Variants in MBOAT2 observed in about 807,000 individuals in gnomAD.
The protein encoded by MBOAT2 is membrane bound glycerophospholipid O-acyltransferase 2, also known as membrane-bound glycerophospholipid O-acyltransferase 2.
MBOAT2 carries 28 observed loss-of-function variants against 63.4 expected under a neutral mutation model. The observed-to-expected ratio is 0.44, with a 90% CI of 0.33 to 0.61. The LOEUF (loss-of-function observed/expected upper bound fraction) is 0.61. Ranked by LOEUF, MBOAT2 falls within the 20% of genes least tolerant of loss-of-function variation. The probability of loss-of-function intolerance (pLI) is 0.03; values close to 1 mark genes in which losing one functional copy is unlikely to be tolerated. For synonymous variants in MBOAT2, 211 were observed against 215.6 expected, an observed-to-expected ratio of 0.98 and a Z score of 0.19; for missense variants, 470 against 605.8, an observed-to-expected ratio of 0.78 and a Z score of 2.35.
intron 9 of MBOAT2, among the ~76,000 whole-genome samples, chr2:8,867,660 G>A (rs1188702437): frequency 1.3e-5 from 2 of 152,128 alleles, no homozygotes; most frequent in Non-Finnish European, 2.9e-5. Flanking sequence ...ATTCTCTCTT[G>A]CTGATCCCAA....
chr2:8,989,263 A>T (rs989747711), intron 1 of MBOAT2, among the ~76,000 whole-genome samples: 7 of 152,172 alleles, frequency 4.6e-5, no homozygotes, highest in Non-Finnish European at 5.9e-5. Context: ...GTCACACCTG[A>T]CACCCATCAG....
Position 8,944,869 on chromosome 2 carries a change from G to A in MBOAT2, c.222-1605C>T, listed in dbSNP as rs138960967. 2.2e-3 allele frequency among the ~76,000 whole-genome samples: 339 copies of A among 152,194 alleles called. 1 individual carries two copies. Among genetic ancestry groups the A allele is most frequent in the Non-Finnish European group, 3.9e-3 (266 of 68,000 alleles). On this transcript the variant is annotated intron_variant, in intron 2 of 12. Coordinates refer to ENST00000305997, the MANE Select transcript of MBOAT2 (RefSeq NM_138799.4). ...AATTCACTGGCTGACTCCTGACTTCGTGCGAAAGGTGACAAGGTCTGCTAG... is the reference window on the plus strand; with the variant it reads ...AATTCACTGGCTGACTCCTGACTTCATGCGAAAGGTGACAAGGTCTGCTAG...
At chr2:9,002,089 CGG>C (rs1672729587) in intron 1 of MBOAT2, among the ~76,000 whole-genome samples, 1 of 150,016 alleles carries the variant, frequency 6.7e-6, no homozygotes, top group African/African-American at 2.5e-5. Flanking sequence ...GAATCCTCCG[CGG>C]GGCCGGGAGG....
intron 4 of MBOAT2, among the ~76,000 whole-genome samples, chr2:8,902,726 C>G (rs1178858575): frequency 6.6e-6 from 1 of 152,206 alleles, no homozygotes; most frequent in African/African-American, 2.4e-5. Context: ...TGACTGACTT[C>G]AGGAGTAAAG....
chr2:8,954,404 G>A (rs749292785), intron 2 of MBOAT2, among the ~76,000 whole-genome samples: 1 of 152,036 alleles, frequency 6.6e-6, no homozygotes, highest in Non-Finnish European at 1.5e-5. Context: ...TGGGGGGCAG[G>A]GGCCACAAAG....
At chr2:8,871,126 C>G (rs900177006) in intron 8 of MBOAT2, among the ~76,000 whole-genome samples, 4 of 151,932 alleles carry the variant, frequency 2.6e-5, no homozygotes, top group Admixed American at 2.6e-4. Flanking sequence ...TCCTGAGTAG[C>G]TGGGACCACA....
At position 8,977,224 on chromosome 2, in the gene MBOAT2, T is replaced by A. The variant is rs970865039; in HGVS notation, c.76-18582A>T. Among the ~76,000 whole-genome samples, 18 of 152,280 alleles carry A rather than the reference T, an allele frequency of 1.2e-4. No homozygotes were observed. The South Asian group carries it at 1.2e-3, about 11-fold the overall frequency. ...ATACCTCAATAAAGCTGTTTAAATT[T>A]TTTTTTAATAAAAATAAGTTCACAT... is the stretch of plus-strand genomic sequence containing the variant. On this transcript the variant is annotated intron_variant, in intron 1 of 12. Coordinates refer to ENST00000305997, the MANE Select transcript of MBOAT2 (RefSeq NM_138799.4).
intron 1 of MBOAT2, among the ~76,000 whole-genome samples, chr2:8,988,268 T>G (rs534439621): frequency 4.9e-4 from 75 of 152,188 alleles, no homozygotes; most frequent in Non-Finnish European, 9.0e-4. Context: ...GACCATCTGA[T>G]AGCCTAAACT....
At chr2:8,915,789 C>T (rs1224799523) in intron 3 of MBOAT2, among the ~76,000 whole-genome samples, 1 of 152,088 alleles carries the variant, frequency 6.6e-6, no homozygotes, top group Non-Finnish European at 1.5e-5. Context: ...AAATCCAGAC[C>T]GACCTGGACT....
chr2:8,972,768 A>G (rs1353199528), intron 1 of MBOAT2, among the ~76,000 whole-genome samples: 1 of 152,234 alleles, frequency 6.6e-6, no homozygotes, highest in Non-Finnish European at 1.5e-5. Context: ...ACATGAAAAA[A>G]TGCTCATCAT....
rs199498021 is a variant in MBOAT2 at position 8,884,904 on chromosome 2, A to G, written c.452-2339T>C. On this transcript the variant is annotated intron_variant, in intron 5 of 12. Transcript: ENST00000305997. Reference sequence around the variant, plus strand: ...AAAAACCAATTAAAGACAAGATATCATTTTTTAAAGCTAGAAGTCTAACCA... The same window carrying G: ...AAAAACCAATTAAAGACAAGATATCGTTTTTTAAAGCTAGAAGTCTAACCA... Among the ~76,000 whole-genome samples, 7 of 152,190 alleles carry G rather than the reference A, an allele frequency of 4.6e-5. No homozygotes were observed. The East Asian group carries it at 1.3e-3, about 29-fold the overall frequency.
chr2:8,884,696 C>A (rs1258435391), intron 5 of MBOAT2, among the ~76,000 whole-genome samples: 1 of 152,186 alleles, frequency 6.6e-6, no homozygotes, highest in Non-Finnish European at 1.5e-5. Context: ...TACACCAGTT[C>A]AGTCTGCCAT....
chr2:8,913,189 G>T (rs1036772364), intron 3 of MBOAT2, among the ~76,000 whole-genome samples: 7 of 152,224 alleles, frequency 4.6e-5, no homozygotes, highest in African/African-American at 1.7e-4. Context: ...ATCAACTCAA[G>T]ATGGATTAAG....
At chr2:8,893,594 G>A (rs1302703982) in intron 4 of MBOAT2, among the ~76,000 whole-genome samples, 2 of 152,234 alleles carry the variant, frequency 1.3e-5, no homozygotes, top group Admixed American at 1.3e-4. Context: ...CTGCTAAGAA[G>A]CCAGTGGCGC....
chr2:8,901,085 C>A (rs996462665), intron 4 of MBOAT2, among the ~76,000 whole-genome samples: 1 of 152,208 alleles, frequency 6.6e-6, no homozygotes, highest in East Asian at 1.9e-4. Flanking sequence ...AGTCCCTGGA[C>A]CCTGCTGATC....
rs1398259885 is a variant in MBOAT2 at position 8,862,329 on chromosome 2, A to T, written c.1185+261T>A. 7.1e-7 allele frequency: 1 copy of T among 1,398,988 alleles called. No individual in the cohort carries two copies. Among genetic ancestry groups the T allele is most frequent in the Admixed American group, 2.2e-5 (1 of 46,276 alleles). 86.7% of individuals were successfully genotyped at this position (1,398,988 alleles called of 1,614,324 possible). ...ATCTCTCCTTCAGAAAATTCTGTAAAGACAAAGTAACATTTTGTGAGTGCC... is the reference window on the plus strand; with the variant it reads ...ATCTCTCCTTCAGAAAATTCTGTAATGACAAAGTAACATTTTGTGAGTGCC... On this transcript the variant is annotated intron_variant, in intron 11 of 12. Transcript: ENST00000305997. The surrounding 1 kb of genome is among the most constrained non-coding windows in gnomAD (Gnocchi z 4.3).
At chr2:8,936,786 CAAA>C (rs745694357) in intron 3 of MBOAT2, among the ~76,000 whole-genome samples, 2 of 56,382 alleles carry the variant, frequency 3.5e-5, no homozygotes, top group Admixed American at 2.2e-4. Flanking sequence ...GACTCCGTCT[CAAA>C]AAAAAAAAAA....
At chr2:8,860,829 G>T in intron 11 of MBOAT2, 65 bp from the exon 12 acceptor site, 1 of 1,258,492 alleles carries the variant, frequency 7.9e-7, no homozygotes, top group Non-Finnish European at 1.1e-6. Flanking sequence ...CAGTTACACT[G>T]GTGATATCAA....
intron 4 of MBOAT2, among the ~76,000 whole-genome samples, chr2:8,891,784 G>A (rs1350325162): frequency 6.6e-6 from 1 of 152,194 alleles, no homozygotes; most frequent in Admixed American, 6.5e-5. Context: ...GGAACTTCCA[G>A]AGTGAGGTCA....
Sources: gnomAD v4.1 joint callset for allele counts (sites outside exome capture counted in the v4.1 genomes callset) on GRCh38, gnomAD v4.1.1 for gene constraint, Gnocchi (gnomAD v3.1) non-coding constraint, MANE v1.5 for transcripts, NCBI Gene and HGNC (gene_info 2026-07-23, HGNC 2026-07-21) for gene names.